ZRANB3: variants seen among roughly 807,000 people sequenced by gnomAD.
The protein encoded by ZRANB3 is zinc finger RANBP2-type containing 3.
In ZRANB3, 125 loss-of-function variants were observed where a neutral mutation model predicts 133.8. That is an observed-to-expected ratio of 0.93 (90% CI 0.81 to 1.08). The LOEUF (loss-of-function observed/expected upper bound fraction) is 1.08, where lower values mean the gene tolerates loss of function less well. ZRANB3 is among the 50% of genes least tolerant of loss of function. The probability of loss-of-function intolerance (pLI) is 0.00; values close to 1 mark genes in which losing one functional copy is unlikely to be tolerated. For synonymous variants in ZRANB3, 387 were observed against 432.7 expected, an observed-to-expected ratio of 0.89 and a Z score of 1.31; for missense variants, 1,229 against 1,275.5, an observed-to-expected ratio of 0.96 and a Z score of 0.56.
chr2:135,522,824 G>A (rs1470419019), intron 1 of ZRANB3, among the ~76,000 whole-genome samples: 2 of 152,198 alleles, frequency 1.3e-5, no homozygotes, highest in African/African-American at 4.8e-5. Context: ...AGTCAAAGAG[G>A]TGCCATGCTA....
intron 4 of ZRANB3, 53 bp downstream of exon 4, chr2:135,353,397 C>T: frequency 7.8e-7 from 1 of 1,284,228 alleles, no homozygotes; most frequent in Non-Finnish European, 1.0e-6. Context: ...GAATATATAC[C>T]AGGTACACAC....
At chr2:135,442,096 A>T (rs1307024170) in intron 2 of ZRANB3, among the ~76,000 whole-genome samples, 1 of 152,224 alleles carries the variant, frequency 6.6e-6, no homozygotes, top group Non-Finnish European at 1.5e-5. Context: ...AAAACCCCAG[A>T]AGAAAACCTA....
chr2:135,319,341 T>C (rs868772235), intron 6 of ZRANB3, among the ~76,000 whole-genome samples: 2 of 152,248 alleles, frequency 1.3e-5, no homozygotes, highest in South Asian at 4.1e-4. Context: ...CATTGTCCAC[T>C]GCTTATGCTT....
chr2:135,504,951 T>A (rs955275148), intron 1 of ZRANB3, among the ~76,000 whole-genome samples: 2 of 152,048 alleles, frequency 1.3e-5, no homozygotes, highest in Admixed American at 1.3e-4. Context: ...AAAAAAATTA[T>A]AAAATACAAA....
At chr2:135,309,255 A>G (rs1682853932) in intron 8 of ZRANB3, among the ~76,000 whole-genome samples, 1 of 152,142 alleles carries the variant, frequency 6.6e-6, no homozygotes. Flanking sequence ...TGCTGGGATT[A>G]CAGGTGTGAG....
chr2:135,388,632 TAA>T (rs1363231757), intron 3 of ZRANB3, among the ~76,000 whole-genome samples: 1 of 152,212 alleles, frequency 6.6e-6, no homozygotes, highest in East Asian at 1.9e-4. Context: ...TGTATATATA[TAA>T]GAGGAAATAG....
chr2:135,240,402 G>C (rs1305286120), intron 12 of ZRANB3, among the ~76,000 whole-genome samples: 2 of 152,182 alleles, frequency 1.3e-5, no homozygotes, highest in Non-Finnish European at 2.9e-5. Context: ...AAGAGAGCTT[G>C]CAGAATTTTG....
intron 2 of ZRANB3, among the ~76,000 whole-genome samples, chr2:135,422,931 C>G (rs1688921141): frequency 6.6e-6 from 1 of 152,164 alleles, no homozygotes; most frequent in Non-Finnish European, 1.5e-5. Flanking sequence ...AATTTGTCTT[C>G]TCACAGTTCT....
At chr2:135,304,362 T>A (rs887507182) in intron 8 of ZRANB3, among the ~76,000 whole-genome samples, 15 of 152,318 alleles carry the variant, frequency 9.8e-5, no homozygotes, top group African/African-American at 3.6e-4. Context: ...GGTTTTCAAT[T>A]TTTATATTGT....
intron 2 of ZRANB3, among the ~76,000 whole-genome samples, chr2:135,457,773 CT>C (rs1227696304): frequency 1.3e-5 from 2 of 151,872 alleles, no homozygotes; most frequent in Non-Finnish European, 1.5e-5. Flanking sequence ...ATTGAGTTAT[CT>C]TTTTATTGCT....
At chr2:135,310,148 G>A (rs1346182853) in intron 8 of ZRANB3, among the ~76,000 whole-genome samples, 1 of 152,062 alleles carries the variant, frequency 6.6e-6, no homozygotes, top group East Asian at 1.9e-4. Flanking sequence ...TGTTGGTCAG[G>A]CTGGTCTCAA....
rs1466835922 is a variant in ZRANB3, at chr2:135,294,113, A to G, written c.967-18358T>C. Among the ~76,000 whole-genome samples, 8 of 152,134 alleles carry G rather than the reference A, an allele frequency of 5.3e-5. No homozygotes were observed. In the East Asian group the frequency reaches 5.8e-4, roughly 11 times the overall value. ...ATCAGGATGATGCTGGCCTCATAAG[A>G]TGAGTTAGGGAGGATTCCCTCTTTT... is the stretch of plus-strand genomic sequence containing the variant. On this transcript the variant is annotated intron_variant, in intron 8 of 20. Transcript: ENST00000264159.
intron 8 of ZRANB3, among the ~76,000 whole-genome samples, chr2:135,305,385 C>G (rs1373739819): frequency 6.6e-6 from 1 of 152,196 alleles, no homozygotes; most frequent in East Asian, 1.9e-4. Context: ...TGTATCTTTA[C>G]AGATGAAGTG....
chr2:135,465,470 C>A (rs911871968), intron 2 of ZRANB3, among the ~76,000 whole-genome samples: 1 of 152,124 alleles, frequency 6.6e-6, no homozygotes, highest in East Asian at 1.9e-4. Context: ...CCTATGATAA[C>A]GAAATGAAAT....
intron 3 of ZRANB3, among the ~76,000 whole-genome samples, chr2:135,373,902 T>C (rs1197434577): frequency 6.7e-6 from 1 of 150,106 alleles, no homozygotes; most frequent in African/African-American, 2.4e-5. Flanking sequence ...GTTGGGTATA[T>C]GAGACATATT....
Position 135,522,637 on chromosome 2 carries a change from T to C in ZRANB3, c.-8+8490A>G, listed in dbSNP as rs182881214. Reference sequence around the variant, plus strand: ...CAACATAGTGAATCCCTGTCTCTACTAAAAATACAAAAATTAGCCAGGCCG... The same window carrying C: ...CAACATAGTGAATCCCTGTCTCTACCAAAAATACAAAAATTAGCCAGGCCG... On this transcript the variant is annotated intron_variant, in intron 1 of 20. Transcript: ENST00000264159. Among the ~76,000 whole-genome samples, 241 of 151,890 alleles carry C rather than the reference T, an allele frequency of 1.6e-3. 6 individuals carry two copies. The highest frequency in any genetic ancestry group is 0.011 in the Admixed American group (171 of 15,226).
Position 135,418,925 on chromosome 2 carries a change from C to CTTTTTTT in ZRANB3, c.162-28112_162-28106dup, listed in dbSNP as rs769271961. 4.4e-4 allele frequency among the ~76,000 whole-genome samples: 38 copies of CTTTTTTT among 85,898 alleles called. 3 individuals carry two copies. The highest frequency in any genetic ancestry group is 8.6e-4 in the African/African-American group (19 of 22,110). 56.4% of individuals were successfully genotyped at this position (85,898 alleles called of 152,430 possible). On this transcript the variant is annotated intron_variant, in intron 2 of 20. Coordinates refer to ENST00000264159, the MANE Select transcript of ZRANB3 (RefSeq NM_032143.4). ...AAGTAATGAAAAATAAGGATTCTCT[C>CTTTTTTT]TTTTTTTTTTTTTTTTTTTTTTTTT...
At chr2:135,505,753 A>T (rs1414756127) in intron 1 of ZRANB3, among the ~76,000 whole-genome samples, 2 of 152,190 alleles carry the variant, frequency 1.3e-5, no homozygotes, top group African/African-American at 4.8e-5. Context: ...GAGAAGCAAG[A>T]CCCACGCACT....
At chr2:135,265,410 G>A in intron 12 of ZRANB3, 124 bp downstream of exon 12, 2 of 1,126,222 alleles carry the variant, frequency 1.8e-6, no homozygotes, top group Non-Finnish European at 2.4e-6. Context: ...AGGGTTTCCA[G>A]CTTTATGTGA....
Sources: allele counts gnomAD v4.1 joint callset (sites outside exome capture counted in the v4.1 genomes callset), GRCh38; gene constraint gnomAD v4.1.1; transcripts MANE v1.5; gene names NCBI Gene and HGNC (gene_info 2026-07-23, HGNC 2026-07-21).